The following TMEM164 variants were observed in gnomAD, a reference collection of about 807,000 sequenced individuals.
The protein encoded by TMEM164 is transmembrane protein 164.
Under a neutral mutation model 18.8 loss-of-function variants are expected in TMEM164, and 4 were observed. That is an observed-to-expected ratio of 0.21 (90% CI 0.10 to 0.49). The LOEUF (loss-of-function observed/expected upper bound fraction) is 0.49, where lower values mean the gene tolerates loss of function less well. Ranked by LOEUF, TMEM164 falls within the 20% of genes least tolerant of loss-of-function variation. TMEM164 has a pLI of 0.98. For missense variants in TMEM164, 108 were observed against 239.9 expected (o/e 0.45, Z 3.63); for synonymous variants, 86 against 101.7 (o/e 0.85, Z 0.93).
In TMEM164 at chrX:110,170,578, C is replaced by T. The variant is rs190587150; in HGVS notation, c.587-842C>T. 5.9e-3 allele frequency among the ~76,000 whole-genome samples: 656 copies of T among 111,639 alleles called. 1 individual carries two copies. The highest frequency in any genetic ancestry group is 0.014 in the Middle Eastern group (3 of 216). On this transcript the variant is annotated intron_variant, in intron 5 of 6. Coordinates refer to ENST00000372068, the MANE Select transcript of TMEM164 (RefSeq NM_032227.4). ...CTGAGTTCCCACTCAGAGTGATACC[C>T]ACAACATCCTATAAACCATGCCCCC...
chrX:110,095,791 C>T (rs2066007856), intron 3 of TMEM164, among the ~76,000 whole-genome samples: 1 of 112,279 alleles, frequency 8.9e-6, no homozygotes, highest in Non-Finnish European at 1.9e-5. Context: ...AGCTTTTCTG[C>T]TCTGGTTTCT....
chrX:110,004,314 C>T, intron 2 of TMEM164, 150 bp downstream of exon 2: 1 of 735,256 alleles, frequency 1.4e-6, no homozygotes, highest in South Asian at 2.8e-5. Context: ...GTGCCGATTT[C>T]AGGTTTGGCT....
chrX:110,063,773 T>C (rs1027092019), intron 2 of TMEM164, among the ~76,000 whole-genome samples: 10 of 111,459 alleles, frequency 9.0e-5, no homozygotes, highest in African/African-American at 2.0e-4. Context: ...GAAACTCATC[T>C]ATGTAAATGC....
intron 5 of TMEM164, among the ~76,000 whole-genome samples, chrX:110,161,946 T>TA (rs1988550300): frequency 8.9e-6 from 1 of 112,578 alleles, no homozygotes; most frequent in South Asian, 3.7e-4. Flanking sequence ...GGGAACCTGT[T>TA]ATTAATAAAA....
At chrX:110,058,618 T>C (rs1371469325) in intron 2 of TMEM164, among the ~76,000 whole-genome samples, 1 of 97,268 alleles carries the variant, frequency 1.0e-5, no homozygotes, top group African/African-American at 3.7e-5. Flanking sequence ...TCTTTTTTTT[T>C]TTTTTGAGAC....
intron 2 of TMEM164, among the ~76,000 whole-genome samples, chrX:110,051,985 C>G (rs904735660): frequency 1.8e-5 from 2 of 112,355 alleles, no homozygotes; most frequent in African/African-American, 6.5e-5. Context: ...CCAGACATAT[C>G]CATTGTAAGC....
intron 4 of TMEM164, among the ~76,000 whole-genome samples, chrX:110,112,445 A>C (rs1022698266): frequency 9.0e-6 from 1 of 111,294 alleles, no homozygotes; most frequent in African/African-American, 3.3e-5. Context: ...GCTTTATCCT[A>C]GGAGTTCAAG....
intron 2 of TMEM164, chrX:110,020,470 C>T (rs1005963879): frequency 2.1e-5 from 16 of 753,315 alleles, no homozygotes; most frequent in Middle Eastern, 7.6e-4. Context: ...AGGAGAGCAT[C>T]ATGCAAGCTA....
At chrX:110,064,922 A>G (rs966876803) in intron 2 of TMEM164, among the ~76,000 whole-genome samples, 2 of 104,591 alleles carry the variant, frequency 1.9e-5, no homozygotes, top group Admixed American at 2.1e-4. Flanking sequence ...GCTTCAGCCC[A>G]GGAGTTGGAG....
chrX:110,005,510 TGTG>T (rs1932646020), intron 2 of TMEM164, among the ~76,000 whole-genome samples: 1 of 111,937 alleles, frequency 8.9e-6, no homozygotes, highest in Non-Finnish European at 1.9e-5. Context: ...GGCTTCTGGA[TGTG>T]GTGAATGACC....
intron 3 of TMEM164, among the ~76,000 whole-genome samples, chrX:110,093,880 T>C (rs1169023673): frequency 8.9e-6 from 1 of 112,115 alleles, no homozygotes; most frequent in African/African-American, 3.2e-5. Flanking sequence ...GATTCTGGTA[T>C]GTTATGTCTT....
In TMEM164 at chrX:110,067,370, A is replaced by G. The variant is rs367652272; in HGVS notation, c.414A>G (p.Pro138=). ...AGATCTTTCTCCTGGCCTGCCCTCC[A>G]TGTCGGGGAGCTATCGTCGTCTTCA... is the stretch of plus-strand genomic sequence containing the variant. ...MMHIFLLACP[P]CRGAIVVFKL... Residue 138 remains proline, a synonymous_variant, in exon 3 of 7, where the codon CCA becomes CCG. Transcript: ENST00000372068. 2 of 1,211,189 alleles carry G rather than the reference A, an allele frequency of 1.7e-6. No individual in the cohort carries two copies. The highest frequency in any genetic ancestry group is 1.8e-5 in the South Asian group (1 of 56,962).
intron 4 of TMEM164, among the ~76,000 whole-genome samples, chrX:110,127,210 T>G (rs1402531597): frequency 9.0e-6 from 1 of 111,006 alleles, no homozygotes; most frequent in Non-Finnish European, 1.9e-5. Flanking sequence ...GGTGTTTTAG[T>G]GTGGTTAAAG....
At chrX:110,137,255 C>G (rs867512624) in intron 4 of TMEM164, among the ~76,000 whole-genome samples, 64 of 111,428 alleles carry the variant, frequency 5.7e-4, no homozygotes, top group Middle Eastern at 4.6e-3. Flanking sequence ...TTCAGCATGG[C>G]CCCAGCTTCT....
chrX:110,107,282 C>T (rs2066218111), intron 3 of TMEM164, among the ~76,000 whole-genome samples: 1 of 111,719 alleles, frequency 9.0e-6, no homozygotes, highest in Non-Finnish European at 1.9e-5. Flanking sequence ...ACTCTACTCT[C>T]TTATGTGTGG....
intron 2 of TMEM164, among the ~76,000 whole-genome samples, chrX:110,026,805 CT>C (rs1432622151): frequency 9.0e-6 from 1 of 111,517 alleles, no homozygotes; most frequent in Non-Finnish European, 1.9e-5. Flanking sequence ...CTTTGGTTTC[CT>C]TTTTTAACTT....
intron 4 of TMEM164, among the ~76,000 whole-genome samples, chrX:110,141,519 A>C (rs182349819): frequency 8.9e-6 from 1 of 111,807 alleles, no homozygotes; most frequent in Non-Finnish European, 1.9e-5. Flanking sequence ...GCCAAGTGAA[A>C]GGGGAAACCC....
chrX:110,104,161 T>C (rs2066151630), intron 3 of TMEM164, among the ~76,000 whole-genome samples: 2 of 112,263 alleles, frequency 1.8e-5, no homozygotes, highest in African/African-American at 6.5e-5. Context: ...CAAACACTTA[T>C]AGACTGTACA....
At chrX:110,054,709 G>A (rs1488753078) in intron 2 of TMEM164, among the ~76,000 whole-genome samples, 1 of 111,739 alleles carries the variant, frequency 8.9e-6, no homozygotes, top group African/African-American at 3.3e-5. Flanking sequence ...TGGTGGAGTT[G>A]ACACGGGTCC....
Sources: gnomAD v4.1 joint callset for allele counts (sites outside exome capture counted in the v4.1 genomes callset) on GRCh38, gnomAD v4.1.1 for gene constraint, MANE v1.5 for transcripts, NCBI Gene and HGNC (gene_info 2026-07-23, HGNC 2026-07-21) for gene names.